The following SUGCT variants were observed in gnomAD, a reference collection of about 807,000 sequenced individuals.
SUGCT encodes the protein succinyl-CoA:glutarate-CoA transferase, also known as succinyl-CoA:glutarate CoA-transferase.
SUGCT carries 41 observed loss-of-function variants against 55.0 expected under a neutral mutation model. The ratio of observed to expected loss-of-function variants is 0.74; its 90% confidence interval spans 0.58 to 0.97. The LOEUF (loss-of-function observed/expected upper bound fraction) is 0.97, where lower values mean the gene tolerates loss of function less well. Ranked by LOEUF, SUGCT falls within the 50% of genes least tolerant of loss-of-function variation. The pLI is 0.00. For synonymous variants in SUGCT, 187 were observed against 200.4 expected (o/e 0.93, Z 0.56); for missense variants, 568 against 547.8 (o/e 1.04, Z -0.37).
chr7:40,181,993 A>C lies in SUGCT; in HGVS notation c.191A>C (p.Asp64Ala). 6.2e-7 allele frequency: 1 copy of C among 1,602,754 alleles called. No homozygotes were observed. Among genetic ancestry groups the C allele is most frequent in the Non-Finnish European group, 8.5e-7 (1 of 1,173,170 alleles). ...CCTTTTGCTACTATGAATTTAGGAG[A>C]TCTTGGAGCAGAAGTTATAAAAGTG... ...AGPFATMNLG[D>A]LGAEVIKVER... The change falls in exon 3 of 14, where the codon GAT becomes GCT. Residue 64 changes from aspartate (D) to alanine (A), a missense_variant. Coordinates refer to ENST00000335693, the MANE Select transcript of SUGCT (RefSeq NM_001193313.2).
chr7:40,323,715 T>C (rs779905075), intron 9 of SUGCT, among the ~76,000 whole-genome samples: 27 of 152,216 alleles, frequency 1.8e-4, no homozygotes, highest in Admixed American at 1.1e-3. Flanking sequence ...TATCAATGAC[T>C]ATAGCTTTGC....
chr7:41,028,201 CCT>C, the SUGCT span, among the ~76,000 whole-genome samples: 1,921 of 152,246 alleles, frequency 0.013, 40 homozygotes, highest in African/African-American at 0.044. Context: ...CAGCAGCAGA[CCT>C]AGAAGCCAAG....
At chr7:40,343,270 A>C (rs1247121052) in intron 9 of SUGCT, among the ~76,000 whole-genome samples, 2 of 152,198 alleles carry the variant, frequency 1.3e-5, no homozygotes, top group Middle Eastern at 3.2e-3. Flanking sequence ...AAACTATTAT[A>C]ATTACTTATA....
chr7:40,885,579 A>G, the SUGCT span, among the ~76,000 whole-genome samples: 1 of 152,040 alleles, frequency 6.6e-6, no homozygotes, highest in Non-Finnish European at 1.5e-5. Flanking sequence ...ATTCAACCTC[A>G]GTTCTTAAAG....
chr7:40,809,989 A>G (rs749623213), intron 13 of SUGCT, among the ~76,000 whole-genome samples: 3 of 152,172 alleles, frequency 2.0e-5, no homozygotes, highest in Non-Finnish European at 4.4e-5. Context: ...GTAGTATTCC[A>G]TGGTGTATAT....
chr7:41,008,410 G>A, the SUGCT span, among the ~76,000 whole-genome samples: 1 of 152,266 alleles, frequency 6.6e-6, no homozygotes, highest in Admixed American at 6.5e-5. Context: ...GTTTCTTTTA[G>A]TGGGGCCAAT....
chr7:40,541,472 T>C (rs1303836057), intron 12 of SUGCT, among the ~76,000 whole-genome samples: 2 of 152,210 alleles, frequency 1.3e-5, no homozygotes, highest in Non-Finnish European at 2.9e-5. Flanking sequence ...ATGAACATAT[T>C]CATTTCTGGT....
intron 12 of SUGCT, among the ~76,000 whole-genome samples, chr7:40,680,374 C>G (rs1371214254): frequency 6.6e-6 from 1 of 152,176 alleles, no homozygotes; most frequent in Non-Finnish European, 1.5e-5. Flanking sequence ...CTGAGAATCT[C>G]TCTTTGGCTT....
At position 40,226,830 on chromosome 7, in the gene SUGCT, C is replaced by T. The variant is rs544791094; in HGVS notation, c.485-10805C>T. Reference sequence around the variant, plus strand: ...ATCACTTAAAAATTTATTGGCCCAGCGTGGTGGCTCACGCTTGCAGTGAGC... The same window carrying T: ...ATCACTTAAAAATTTATTGGCCCAGTGTGGTGGCTCACGCTTGCAGTGAGC... On this transcript the variant is annotated intron_variant, in intron 6 of 13. Transcript: ENST00000335693. 3.9e-4 allele frequency among the ~76,000 whole-genome samples: 60 copies of T among 151,934 alleles called. 3 individuals are homozygous for T. The highest frequency in any genetic ancestry group is 1.2e-3 in the Admixed American group (18 of 15,238).
chr7:40,894,317 C>G, the SUGCT span, among the ~76,000 whole-genome samples: 4 of 152,052 alleles, frequency 2.6e-5, no homozygotes, highest in Non-Finnish European at 4.4e-5. Context: ...AAATTCAACT[C>G]AAGATGAACT....
chr7:40,975,868 T>C, the SUGCT span, among the ~76,000 whole-genome samples: 2 of 152,222 alleles, frequency 1.3e-5, no homozygotes, highest in East Asian at 1.9e-4. Context: ...TTTTTGAGAA[T>C]GCCAAACAAG....
chr7:40,509,575 T>A (rs1283002799), intron 12 of SUGCT, among the ~76,000 whole-genome samples: 4 of 152,152 alleles, frequency 2.6e-5, no homozygotes, highest in South Asian at 2.1e-4. Flanking sequence ...AATTTTTTTT[T>A]AATTGAGGGT....
chr7:40,350,480 A>G (rs1797568109), intron 9 of SUGCT, among the ~76,000 whole-genome samples: 1 of 145,210 alleles, frequency 6.9e-6, no homozygotes, highest in African/African-American at 2.5e-5. Flanking sequence ...CACCTGGCTA[A>G]TTTTTTTTTT....
chr7:40,509,324 C>T (rs1792795615), intron 12 of SUGCT, among the ~76,000 whole-genome samples: 1 of 152,148 alleles, frequency 6.6e-6, no homozygotes, highest in African/African-American at 2.4e-5. Context: ...CCCTAATCTA[C>T]TGTGCACTTC....
intron 9 of SUGCT, among the ~76,000 whole-genome samples, chr7:40,334,596 G>T: frequency 6.6e-6 from 1 of 152,156 alleles, no homozygotes. Context: ...TTTTGAAGGG[G>T]TTGTTTGTTT....
intron 9 of SUGCT, among the ~76,000 whole-genome samples, chr7:40,404,705 G>A (rs190044331): frequency 2.8e-4 from 42 of 152,226 alleles, no homozygotes; most frequent in Admixed American, 9.8e-4. Context: ...CCAAAGTGCT[G>A]GGTTTACAGG....
chr7:41,037,402 G>A, the SUGCT span, among the ~76,000 whole-genome samples: 2 of 150,948 alleles, frequency 1.3e-5, no homozygotes, highest in Non-Finnish European at 2.9e-5. Flanking sequence ...CACATTAGGT[G>A]AGTTGTGTTA....
the SUGCT span, among the ~76,000 whole-genome samples, chr7:40,919,390 A>T: frequency 2.0e-5 from 3 of 152,202 alleles, no homozygotes; most frequent in African/African-American, 7.2e-5. Context: ...TTACCTTTGA[A>T]TCAACCATCT....
chr7:40,666,355 A>AAAGAAAGGAAGG (rs1554398405), intron 12 of SUGCT, among the ~76,000 whole-genome samples: 2 of 121,812 alleles, frequency 1.6e-5, no homozygotes, highest in East Asian at 2.2e-4. Flanking sequence ...CTCAAGAAAG[A>AAAGAAAGGAAGG]AAGGAAGGAA....
Sources: allele counts gnomAD v4.1 joint callset (sites outside exome capture counted in the v4.1 genomes callset), GRCh38; gene constraint gnomAD v4.1.1; transcripts MANE v1.5; gene names NCBI Gene and HGNC (gene_info 2026-07-23, HGNC 2026-07-21).